ABCC4: variants seen among roughly 807,000 people sequenced by gnomAD.
The protein encoded by ABCC4 is ATP binding cassette subfamily C member 4 (PEL blood group).
ABCC4 carries 102 observed loss-of-function variants against 168.5 expected under a neutral mutation model. The observed-to-expected ratio is 0.61, with a 90% CI of 0.52 to 0.71. ABCC4 has a LOEUF of 0.71. Ranked by LOEUF, ABCC4 falls within the 30% of genes least tolerant of loss-of-function variation. The probability of loss-of-function intolerance (pLI) is 0.00; values close to 1 mark genes in which losing one functional copy is unlikely to be tolerated. For synonymous variants in ABCC4, 617 were observed against 590.7 expected (o/e 1.04, Z -0.65); for missense variants, 1,402 against 1,605.8 (o/e 0.87, Z 2.17).
At chr13:95,059,530 G>T (rs2033206934) in intron 26 of ABCC4, among the ~76,000 whole-genome samples, 1 of 152,198 alleles carries the variant, frequency 6.6e-6, no homozygotes, top group African/African-American at 2.4e-5. Context: ...GAGTGGTGAG[G>T]AATGCCGCTA....
chr13:95,265,399 A>G (rs1432541859), intron 1 of ABCC4, among the ~76,000 whole-genome samples: 1 of 151,874 alleles, frequency 6.6e-6, no homozygotes. Context: ...TTAAAACTCT[A>G]GAGTACTGGT....
chr13:95,197,855 T>C (rs2038504552), intron 8 of ABCC4, among the ~76,000 whole-genome samples: 1 of 152,162 alleles, frequency 6.6e-6, no homozygotes, highest in Admixed American at 6.5e-5. Context: ...AATCCTTTCC[T>C]TAATAAAAGA....
intron 1 of ABCC4, among the ~76,000 whole-genome samples, chr13:95,249,508 A>G (rs1050283527): frequency 6.6e-6 from 1 of 152,170 alleles, no homozygotes; most frequent in African/African-American, 2.4e-5. Flanking sequence ...AGTTATGTTC[A>G]GGATTCCGGA....
chr13:95,192,156 A>G (rs9590197), intron 9 of ABCC4, among the ~76,000 whole-genome samples: 51,325 of 152,102 alleles, frequency 0.34, 8,934 homozygotes, highest in African/African-American at 0.42. Flanking sequence ...TTTATAAATG[A>G]GACCTAGGCT....
Position 95,117,565 on chromosome 13 carries a change from G to A in ABCC4, c.2456-1564C>T, listed in dbSNP as rs182224269. On this transcript the variant is annotated intron_variant, in intron 19 of 30. Transcript: ENST00000645237. ...ATTAAAATTAAATGAGTATTTTTCC[G>A]ACAGATACTTATGGATTTTGTTTGT... 5.3e-5 allele frequency among the ~76,000 whole-genome samples: 8 copies of A among 152,118 alleles called. 1 individual carries two copies. The highest frequency in any genetic ancestry group is 4.6e-4 in the Admixed American group (7 of 15,276).
intron 8 of ABCC4, among the ~76,000 whole-genome samples, chr13:95,204,344 G>A (rs997740897): frequency 6.6e-6 from 1 of 152,162 alleles, no homozygotes; most frequent in African/African-American, 2.4e-5. Context: ...ATACAGTTTG[G>A]CTCTGTGTCC....
rs1260422402 is a variant in ABCC4 at position 95,061,669 on chromosome 13, T to A, written c.3366+1035A>T. Among the ~76,000 whole-genome samples, 8 of 126,692 alleles carry A rather than the reference T, an allele frequency of 6.3e-5. No homozygotes were observed. In the South Asian group the frequency reaches 1.3e-3, roughly 21 times the overall value. 83.1% of individuals were successfully genotyped at this position (126,692 alleles called of 152,430 possible). On this transcript the variant is annotated intron_variant, in intron 26 of 30. Transcript: ENST00000645237. Reference sequence around the variant, plus strand: ...GCTCCCCTCAATGACTATAGAGTGTTAAAAAAAAAAAAAACCCACATTAAA... The same window carrying A: ...GCTCCCCTCAATGACTATAGAGTGTAAAAAAAAAAAAAAACCCACATTAAA...
intron 19 of ABCC4, among the ~76,000 whole-genome samples, chr13:95,137,179 G>C (rs2036168770): frequency 6.6e-6 from 1 of 152,198 alleles, no homozygotes; most frequent in African/African-American, 2.4e-5. Context: ...ATGTCTATTG[G>C]CCGCTTTCAT....
At chr13:95,161,530 G>A (rs761318992) in intron 18 of ABCC4, among the ~76,000 whole-genome samples, 195 bp from the exon 19 acceptor site, 2 of 152,142 alleles carry the variant, frequency 1.3e-5, no homozygotes, top group African/African-American at 4.8e-5. Context: ...TTCTCTCACT[G>A]AATGGAAACT....
At chr13:95,088,464 A>G (rs2034328240) in intron 20 of ABCC4, among the ~76,000 whole-genome samples, 1 of 152,216 alleles carries the variant, frequency 6.6e-6, no homozygotes, top group Non-Finnish European at 1.5e-5. Flanking sequence ...TTTCAAGTGC[A>G]TCTTTATTAT....
intron 1 of ABCC4, among the ~76,000 whole-genome samples, chr13:95,282,529 A>AT (rs1168319807): frequency 6.7e-6 from 1 of 148,300 alleles, no homozygotes; most frequent in Non-Finnish European, 1.5e-5. Flanking sequence ...TTTTTCTTTT[A>AT]TTTTTTTATT....
In ABCC4 at chr13:95,166,164, G is replaced by A; in HGVS notation, c.2028C>T (p.Ser676=). 2 of 1,613,742 alleles carry A rather than the reference G, an allele frequency of 1.2e-6. No homozygotes were observed. Among genetic ancestry groups the A allele is most frequent in the South Asian group, 2.2e-5 (2 of 91,064 alleles). The change falls in exon 15 of 31, where the codon AGC becomes AGT. Residue 676 remains serine (S), a synonymous_variant. Coordinates refer to ENST00000645237, the MANE Select transcript of ABCC4 (RefSeq NM_005845.5). ...RPSLKDGALE[S]QDTENVPVTL... ...TAACAGGAGGTGAACTCACATCTTG[G>A]CTCTCCAGAGCACCATCTTTCAAGG...
chr13:95,053,032 G>A, intron 27 of ABCC4, 63 bp downstream of exon 27: 1 of 1,401,860 alleles, frequency 7.1e-7, no homozygotes, highest in Non-Finnish European at 1.0e-6. Context: ...CTGCAATGCT[G>A]TAAAGGTACA....
At chr13:95,112,482 T>A (rs2035239370) in intron 20 of ABCC4, among the ~76,000 whole-genome samples, 1 of 152,214 alleles carries the variant, frequency 6.6e-6, no homozygotes, top group African/African-American at 2.4e-5. Context: ...CTGGTAAGTG[T>A]AGAATTTCAA....
chr13:95,142,867 A>AAAGC, intron 19 of ABCC4, among the ~76,000 whole-genome samples: 1 of 152,320 alleles, frequency 6.6e-6, no homozygotes, highest in East Asian at 1.9e-4. Context: ...AACAAGAAAG[A>AAAGC]AAGCAAATCT....
At chr13:95,171,220 T>C (rs375187374) in intron 13 of ABCC4, among the ~76,000 whole-genome samples, 105 of 151,696 alleles carry the variant, frequency 6.9e-4, no homozygotes, top group African/African-American at 2.1e-3. Flanking sequence ...CTCTCATTAG[T>C]CCTAAACAGT....
In ABCC4 at chr13:95,225,143, TCTCTCTCTCTCACA is replaced by T. The variant is rs1391119805; in HGVS notation, c.531+9453_531+9466del. The stretch of plus-strand genomic sequence containing the variant: ...CCCACTGTCTGTCTGTCTGTCTGTC[TCTCTCTCTCTCACA>T]CACACACACACACACACACACACAC... On this transcript the variant is annotated intron_variant, in intron 4 of 30. Coordinates refer to ENST00000645237, the MANE Select transcript of ABCC4 (RefSeq NM_005845.5). Among the ~76,000 whole-genome samples, 390 of 49,234 alleles carry T rather than the reference TCTCTCTCTCTCACA, an allele frequency of 7.9e-3. 2 individuals carry two copies. Among genetic ancestry groups the T allele is most frequent in the African/African-American group, 0.03 (360 of 12,108 alleles). The allele number at this position is 49,234 out of a possible 152,430, so 32.3% of individuals were successfully genotyped here.
chr13:95,245,753 T>G (rs1195682351), intron 3 of ABCC4, among the ~76,000 whole-genome samples: 1 of 152,066 alleles, frequency 6.6e-6, no homozygotes, highest in Non-Finnish European at 1.5e-5. Flanking sequence ...AGTCCCCTGT[T>G]GTCTGACAGA....
intron 20 of ABCC4, among the ~76,000 whole-genome samples, chr13:95,109,356 G>C (rs1009865094): frequency 4.0e-5 from 6 of 151,388 alleles, no homozygotes; most frequent in Non-Finnish European, 7.4e-5. Context: ...TGAAGAATTA[G>C]AAGGGTACAT....
Sources: allele counts gnomAD v4.1 joint callset (sites outside exome capture counted in the v4.1 genomes callset), GRCh38; gene constraint gnomAD v4.1.1; transcripts MANE v1.5; gene names NCBI Gene and HGNC (gene_info 2026-07-23, HGNC 2026-07-21).